MASTL: variants seen among roughly 807,000 people sequenced by gnomAD.
MASTL encodes the protein serine/threonine-protein kinase greatwall.
MASTL carries 54 observed loss-of-function variants against 82.5 expected under a neutral mutation model. The observed-to-expected ratio is 0.65, with a 90% CI of 0.53 to 0.82. The LOEUF (loss-of-function observed/expected upper bound fraction) is 0.82, where lower values mean the gene tolerates loss of function less well. Ranked by LOEUF, MASTL falls within the 40% of genes least tolerant of loss-of-function variation. MASTL has a pLI of 0.00. For synonymous variants in MASTL, 323 were observed against 368.9 expected, an observed-to-expected ratio of 0.88 and a Z score of 1.43; for missense variants, 950 against 1,047.8, an observed-to-expected ratio of 0.91 and a Z score of 1.29.
intron 11 of MASTL, among the ~76,000 whole-genome samples, chr10:27,183,714 T>G (rs1033841476): frequency 6.6e-6 from 1 of 152,060 alleles, no homozygotes; most frequent in Non-Finnish European, 1.5e-5. Context: ...TTTCTTTCTT[T>G]TTTTGGTTTT....
chr10:27,164,486 T>G lies in MASTL; in HGVS notation c.554-578T>G, dbSNP rs2057676069. 2.6e-5 allele frequency among the ~76,000 whole-genome samples: 4 copies of G among 152,172 alleles called. No individual in the cohort carries two copies. In the South Asian group the frequency reaches 8.3e-4, roughly 31 times the overall value. ...CATTTTTTATATCTAAGTGGAATAG[T>G]ATAGTATTATGTGTCAGTGTTGAAT... is the stretch of plus-strand genomic sequence containing the variant. On this transcript the variant is annotated intron_variant, in intron 4 of 11. Transcript: ENST00000375940.
intron 9 of MASTL, among the ~76,000 whole-genome samples, chr10:27,175,357 T>C (rs1190215256): frequency 6.6e-6 from 1 of 151,946 alleles, no homozygotes; most frequent in African/African-American, 2.4e-5. Flanking sequence ...TAATTTTGTA[T>C]TTTTAGTAGA....
chr10:27,171,861 G>A (rs1462841949), intron 8 of MASTL, among the ~76,000 whole-genome samples: 1 of 98,930 alleles, frequency 1.0e-5, no homozygotes, highest in East Asian at 3.5e-4. Flanking sequence ...ACAAAGTCTC[G>A]CTCTGTCACC....
chr10:27,170,554 TTA>T lies in MASTL; in HGVS notation c.1597_1598del (p.Met533ValfsTer2). 6.2e-7 allele frequency: 1 copy of T among 1,613,760 alleles called. No individual in the cohort carries two copies. The highest frequency in any genetic ancestry group is 1.1e-5 in the South Asian group (1 of 91,016). On this transcript the variant is annotated frameshift_variant, in exon 8 of 12. Coordinates refer to ENST00000375940, the MANE Select transcript of MASTL (RefSeq NM_001172303.3). LOFTEE classifies it high-confidence loss of function. The stretch of plus-strand genomic sequence containing the variant: ...CCTATACCAATGATAGCAAAAAACC[TTA>T]TGTGTGAACTCGATGAAGACTGTGA...
chr10:27,163,898 G>C, intron 4 of MASTL, among the ~76,000 whole-genome samples: 1 of 151,854 alleles, frequency 6.6e-6, no homozygotes, highest in Non-Finnish European at 1.5e-5. Context: ...CCAAAGTGTT[G>C]GGATTACAGG....
At chr10:27,185,422 C>T (rs372313163) in intron 11 of MASTL, among the ~76,000 whole-genome samples, 6 of 151,546 alleles carry the variant, frequency 4.0e-5, no homozygotes, top group Admixed American at 6.6e-5. Flanking sequence ...CCCCTGGGGT[C>T]GGGAGTTCGA....
rs764756439 is a variant in MASTL, at chr10:27,170,331, A to C, written c.1372A>C (p.Ile458Leu). 2.5e-6 allele frequency: 4 copies of C among 1,613,662 alleles called. No homozygotes were observed. In the South Asian group the frequency reaches 4.4e-5, roughly 18 times the overall value. ...ELVDSSPCKKIIQNKKTCVEY... is the reference protein window; with the variant it reads ...ELVDSSPCKKLIQNKKTCVEY... ...GGTTGACTCCAGTCCTTGTAAAAAA[A>C]TTATACAGAATAAAAAAACTTGTGT... Residue 458 changes from isoleucine (I) to leucine (L), a missense_variant, in exon 8 of 12, where the codon ATT becomes CTT. Ile to Leu is a conservative substitution (Grantham distance 5). Coordinates refer to ENST00000375940, the MANE Select transcript of MASTL (RefSeq NM_001172303.3).
chr10:27,180,683 C>T (rs564396263), intron 9 of MASTL, among the ~76,000 whole-genome samples: 69 of 152,276 alleles, frequency 4.5e-4, no homozygotes, highest in Admixed American at 3.9e-4. Context: ...TAAGCCACCG[C>T]GCCCAGCTCT....
chr10:27,159,542 A>C lies in MASTL; in HGVS notation c.325-77A>C. Reference sequence around the variant, plus strand: ...TTACAGAGCCATGCCAAATATTGTAACTGTAATGCCCAAATACTAGATTTT... The same window carrying C: ...TTACAGAGCCATGCCAAATATTGTACCTGTAATGCCCAAATACTAGATTTT... On this transcript the variant is annotated intron_variant, in intron 2 of 11. Transcript: ENST00000375940. The surrounding 1 kb of genome is among the most constrained non-coding windows in gnomAD (Gnocchi z 4.0). The C allele has an allele frequency of 9.6e-7, 1 of 1,037,458 alleles. No individual in the cohort carries two copies. Among genetic ancestry groups the C allele is most frequent in the Non-Finnish European group, 1.5e-6 (1 of 679,354 alleles). The allele number at this position is 1,037,458 out of a possible 1,614,324, so 64.3% of individuals were successfully genotyped here.
At position 27,170,702 on chromosome 10, in the gene MASTL, T is replaced by C. The variant is rs2057903259; in HGVS notation, c.1743T>C (p.Ser581=). The change falls in exon 8 of 12, where the codon AGT becomes AGC. Residue 581 remains serine (S), a synonymous_variant. Transcript: ENST00000375940. The part of the protein sequence containing the change: ...SSFPGISIME[S]PLESQPLDSD... ...TTCCTGGAATTTCTATAATGGAAAGTCCATTAGAAAGTCAGCCCTTAGATT... is the reference window on the plus strand; with the variant it reads ...TTCCTGGAATTTCTATAATGGAAAGCCCATTAGAAAGTCAGCCCTTAGATT... 1 of 1,613,390 alleles carries C rather than the reference T, an allele frequency of 6.2e-7. No individual in the cohort carries two copies. The highest frequency in any genetic ancestry group is 1.1e-5 in the South Asian group (1 of 90,858).
At chr10:27,160,916 C>T (rs1025981087) in intron 3 of MASTL, among the ~76,000 whole-genome samples, 178 bp from the exon 4 acceptor site, 4 of 151,810 alleles carry the variant, frequency 2.6e-5, no homozygotes, top group Admixed American at 6.6e-5. Context: ...ATAAACAGTA[C>T]GAAAGATGTT....
chr10:27,169,626 G>A (rs1406690147), intron 7 of MASTL, among the ~76,000 whole-genome samples: 1 of 151,650 alleles, frequency 6.6e-6, no homozygotes, highest in East Asian at 1.9e-4. Flanking sequence ...TGTACGTAAT[G>A]CAGCCTTACC....
intron 4 of MASTL, among the ~76,000 whole-genome samples, chr10:27,161,682 T>G (rs2057579265): frequency 6.6e-6 from 1 of 152,200 alleles, no homozygotes; most frequent in Non-Finnish European, 1.5e-5. Context: ...GGGTTCTTTT[T>G]TCCACTGAAG....
At chr10:27,175,900 C>T (rs935571606) in intron 9 of MASTL, among the ~76,000 whole-genome samples, 1 of 152,024 alleles carries the variant, frequency 6.6e-6, no homozygotes, top group Non-Finnish European at 1.5e-5. Flanking sequence ...AGTTCAAGAC[C>T]AGCCTGGCCA....
At chr10:27,172,342 A>G (rs2057974414) in intron 8 of MASTL, among the ~76,000 whole-genome samples, 1 of 152,146 alleles carries the variant, frequency 6.6e-6, no homozygotes, top group South Asian at 2.1e-4. Flanking sequence ...TCTGTAAGGG[A>G]TAATGGCACC....
Position 27,158,631 on chromosome 10 carries a change from G to T in MASTL, c.269G>T (p.Ser90Ile). ...AGAGATGCACTGGCACTAAGCAAAA[G>T]CCCATTCATTGTCCATTTGTATTAT... Reference protein sequence around the residue: ...AERDALALSKSPFIVHLYYSL... With the variant: ...AERDALALSKIPFIVHLYYSL... Residue 90 changes from serine (S) to isoleucine (I), a missense_variant, in exon 2 of 12, where the codon AGC (serine) becomes ATC (isoleucine). Ser to Ile is a moderately radical substitution (Grantham distance 142). Coordinates refer to ENST00000375940, the MANE Select transcript of MASTL (RefSeq NM_001172303.3). The T allele has an allele frequency of 6.2e-7, 1 of 1,613,932 alleles. No individual in the cohort carries two copies. Among genetic ancestry groups the T allele is most frequent in the Non-Finnish European group, 8.5e-7 (1 of 1,179,814 alleles).
chr10:27,186,961 T>C lies in MASTL; in HGVS notation c.*425T>C, dbSNP rs1373066386. On this transcript the variant is annotated 3_prime_UTR_variant, in exon 12 of 12. Transcript: ENST00000375940. ...CTTGCATATGATTACCTTCAAAAGC[T>C]GTGTTCTTGAGGGCAATCATTTAAG... is the stretch of plus-strand genomic sequence containing the variant. The C allele has an allele frequency of 4.1e-6, 1 of 243,792 alleles. No individual in the cohort carries two copies. The highest frequency in any genetic ancestry group is 1.1e-4 in the East Asian group (1 of 8,948). 15.1% of individuals were successfully genotyped at this position (243,792 alleles called of 1,614,324 possible).
chr10:27,158,561 G>A lies in MASTL; in HGVS notation c.199G>A (p.Ala67Thr), dbSNP rs1034389475. 6.2e-7 allele frequency: 1 copy of A among 1,603,250 alleles called. No homozygotes were observed. Among genetic ancestry groups the A allele is most frequent in the Admixed American group, 1.7e-5 (1 of 60,006 alleles). ...TTATCTATTACAGGTTGTTAAAAAAGCAGACATGATCAACAAAAATATGAC... is the reference window on the plus strand; with the variant it reads ...TTATCTATTACAGGTTGTTAAAAAAACAGACATGATCAACAAAAATATGAC... ...KLYAVKVVKK[A>T]DMINKNMTHQ... The change falls in exon 2 of 12, where the codon GCA (alanine) becomes ACA (threonine). Residue 67 changes from alanine (A) to threonine (T), a missense_variant. By Grantham distance (58) the Ala-to-Thr change is moderately conservative. Coordinates refer to ENST00000375940, the MANE Select transcript of MASTL (RefSeq NM_001172303.3).
intron 11 of MASTL, among the ~76,000 whole-genome samples, chr10:27,185,602 C>T (rs1244008402): frequency 7.5e-6 from 1 of 132,796 alleles, no homozygotes; most frequent in Non-Finnish European, 1.6e-5. Context: ...CATTGCACTC[C>T]AGCCTAGGTG....
Sources: gnomAD v4.1 joint callset for allele counts (sites outside exome capture counted in the v4.1 genomes callset) on GRCh38, gnomAD v4.1.1 for gene constraint, Gnocchi (gnomAD v3.1) non-coding constraint, MANE v1.5 for transcripts, NCBI Gene and HGNC (gene_info 2026-07-23, HGNC 2026-07-21) for gene names.